The following SERF2 variants were observed in gnomAD, a reference collection of about 807,000 sequenced individuals.
The protein encoded by SERF2 is small EDRK-rich factor 2, also known as gastric cancer-related protein VRG107.
Under a neutral mutation model 10.7 loss-of-function variants are expected in SERF2, and 4 were observed. The ratio of observed to expected loss-of-function variants is 0.37; its 90% CI spans 0.18 to 0.86. The LOEUF (loss-of-function observed/expected upper bound fraction) is 0.86, where lower values mean the gene tolerates loss of function less well. Ranked by LOEUF, SERF2 falls within the 40% of genes least tolerant of loss-of-function variation. SERF2 has a pLI of 0.43. For synonymous variants in SERF2, 26 were observed against 26.0 expected (o/e 1.00, Z 0.01); for missense variants, 47 against 79.1 (o/e 0.59, Z 1.54).
intron 1 of SERF2, among the ~76,000 whole-genome samples, chr15:43,782,626 C>CTAT (rs1183665392): frequency 6.6e-6 from 1 of 152,130 alleles, no homozygotes; most frequent in Non-Finnish European, 1.5e-5. Flanking sequence ...GGCTGCAAAG[C>CTAT]TATTATCCTG....
In SERF2 at chr15:43,795,527, C is replaced by A. The variant is rs766791350; in HGVS notation, c.*1754C>A. ...GTTTCTTGGTCAGCTGGCCTCGCAG[C>A]CCCACCCCTTTGCCCTGGAGAGAGG... On this transcript the variant is annotated 3_prime_UTR_variant, in exon 3 of 3. Coordinates refer to ENST00000249786, the MANE Select transcript of SERF2 (RefSeq NM_001018108.4). 1 of 1,614,162 alleles carries A rather than the reference C, an allele frequency of 6.2e-7. No individual in the cohort carries two copies. Among genetic ancestry groups the A allele is most frequent in the East Asian group, 2.2e-5 (1 of 44,878 alleles).
chr15:43,784,473 CGTTT>C (rs961474232), intron 1 of SERF2, among the ~76,000 whole-genome samples: 3 of 151,830 alleles, frequency 2.0e-5, no homozygotes, highest in Admixed American at 6.6e-5. Flanking sequence ...TTAATTAATT[CGTTT>C]GTTTGTTTGG....
In SERF2 at chr15:43,794,992, A is replaced by C; in HGVS notation, c.*1219A>C. The C allele has an allele frequency of 6.2e-7, 1 of 1,601,032 alleles. No individual in the cohort carries two copies. The highest frequency in any genetic ancestry group is 8.5e-7 in the Non-Finnish European group (1 of 1,173,468). On this transcript the variant is annotated 3_prime_UTR_variant, in exon 3 of 3. Transcript: ENST00000249786. ...AATGTCAGGGGAACCCCAGTTTGTG[A>C]AAAGGACTTAGACTGGAGGATATTT...
At chr15:43,791,138 A>G (rs747803338), upstream of SERF2, among the ~76,000 whole-genome samples, 26 of 150,268 alleles carry the variant, frequency 1.7e-4, no homozygotes, top group Non-Finnish European at 3.2e-4. Context: ...CAGTGGTGCG[A>G]TCTCGGCTCA....
upstream of SERF2, among the ~76,000 whole-genome samples, chr15:43,787,659 A>C (rs1315482850): frequency 6.6e-6 from 1 of 151,568 alleles, no homozygotes; most frequent in Non-Finnish European, 1.5e-5. Flanking sequence ...CAGCCTCCCA[A>C]AATGCTGGGA....
rs569519033 is a variant in SERF2, at chr15:43,786,431, A to G, written c.-402+897A>G. 7.6e-4 allele frequency among the ~76,000 whole-genome samples: 116 copies of G among 151,874 alleles called. 1 individual carries two copies. The highest frequency in any genetic ancestry group is 1.0e-3 in the Non-Finnish European group (69 of 67,936). ...CTCTGTCTCAAAAAAAAAAAAAAAAAAAAGCTGGTTGACGTTTGGTACGCA... is the reference window on the plus strand; with the variant it reads ...CTCTGTCTCAAAAAAAAAAAAAAAAGAAAGCTGGTTGACGTTTGGTACGCA... On this transcript the variant is annotated intron_variant, in intron 2 of 4. Coordinates refer to the SERF2 transcript ENST00000381359.
At chr15:43,790,141 CAAA>C (rs1181656395), upstream of SERF2, among the ~76,000 whole-genome samples, 4 of 105,080 alleles carry the variant, frequency 3.8e-5, no homozygotes, top group Admixed American at 1.0e-4. Flanking sequence ...GACTCCATCT[CAAA>C]AAAAAAAAAA....
chr15:43,780,113 T>C (rs1020876923), intron 1 of SERF2, among the ~76,000 whole-genome samples: 9 of 152,122 alleles, frequency 5.9e-5, no homozygotes, highest in Non-Finnish European at 1.0e-4. Flanking sequence ...AACCCCTGTG[T>C]TTTTTGCAAA....
chr15:43,787,999 C>T (rs868511533), upstream of SERF2, among the ~76,000 whole-genome samples: 1 of 151,436 alleles, frequency 6.6e-6, no homozygotes, highest in Non-Finnish European at 1.5e-5. Flanking sequence ...CTCAGCCTCT[C>T]GAGTAGCTGG....
At position 43,795,502 on chromosome 15, in the gene SERF2, GTTTCTTGGTC is replaced by G. The variant is rs1242388784; in HGVS notation, c.*1730_*1739del. 6.2e-7 allele frequency: 1 copy of G among 1,614,210 alleles called. No homozygotes were observed. Among genetic ancestry groups the G allele is most frequent in the East Asian group, 2.2e-5 (1 of 44,884 alleles). On this transcript the variant is annotated 3_prime_UTR_variant, in exon 3 of 3. Coordinates refer to ENST00000249786, the MANE Select transcript of SERF2 (RefSeq NM_001018108.4). Reference sequence around the variant, plus strand: ...GACTTGGACTGGAGGAGCTGGAGGGGTTTCTTGGTCAGCTGGCCTCGCAGCCCCACCCCTT... The same window carrying G: ...GACTTGGACTGGAGGAGCTGGAGGGGAGCTGGCCTCGCAGCCCCACCCCTT...
At chr15:43,784,678 G>A (rs995501667) in intron 1 of SERF2, among the ~76,000 whole-genome samples, 20 of 151,434 alleles carry the variant, frequency 1.3e-4, no homozygotes, top group African/African-American at 4.9e-4. Context: ...CCATGGTCTC[G>A]ATCTCCTGAC....
chr15:43,792,397 C>T lies in SERF2; in HGVS notation c.7+14C>T, dbSNP rs766202533. The T allele has an allele frequency of 2.5e-6, 4 of 1,613,898 alleles. No individual in the cohort carries two copies. The highest frequency in any genetic ancestry group is 1.3e-5 in the African/African-American group (1 of 75,054). ...TCGCCATGACCCGTGAGCACCGAGC[C>T]CCCTTCTCCTTGCCCTTTTCTTTCC... On this transcript the variant is annotated intron_variant, in intron 1 of 2. Transcript: ENST00000249786.
chr15:43,782,090 T>C (rs1340668229), intron 1 of SERF2, among the ~76,000 whole-genome samples: 1 of 152,116 alleles, frequency 6.6e-6, no homozygotes, highest in Non-Finnish European at 1.5e-5. Flanking sequence ...GGTTTCACCA[T>C]GTTGTCCAGG....
intron 1 of SERF2, among the ~76,000 whole-genome samples, chr15:43,783,033 T>C (rs1384187581): frequency 8.7e-6 from 1 of 114,964 alleles, no homozygotes; most frequent in Admixed American, 9.6e-5. Context: ...TTTTGAGACA[T>C]AGTCTAACTC....
Position 43,793,702 on chromosome 15 carries a change from A to T in SERF2, c.117-8A>T. ...TACCTCCCAGTGCCCCATCATCTCT[A>T]CCCCCAGGGACTCGGAGATCATGCA... is the stretch of plus-strand genomic sequence containing the variant. On this transcript the variant is annotated splice_polypyrimidine_tract_variant and splice_region_variant and intron_variant, in intron 2 of 2. Coordinates refer to ENST00000249786, the MANE Select transcript of SERF2 (RefSeq NM_001018108.4). The T allele has an allele frequency of 6.2e-7, 1 of 1,613,374 alleles. No homozygotes were observed. Among genetic ancestry groups the T allele is most frequent in the South Asian group, 1.1e-5 (1 of 91,046 alleles).
upstream of SERF2, among the ~76,000 whole-genome samples, chr15:43,791,204 GC>G (rs1394169671): frequency 6.6e-6 from 1 of 152,038 alleles, no homozygotes; most frequent in Non-Finnish European, 1.5e-5. Flanking sequence ...CTCCTGAGTA[GC>G]TGGGACTACA....
At chr15:43,782,650 A>G (rs933300494) in intron 1 of SERF2, among the ~76,000 whole-genome samples, 5 of 152,014 alleles carry the variant, frequency 3.3e-5, no homozygotes, top group African/African-American at 1.2e-4. Context: ...TCTCCCTTCT[A>G]TCTCAGCTGG....
At chr15:43,791,906 TTAG>T (rs2087066643), upstream of SERF2, 3 of 180,648 alleles carry the variant, frequency 1.7e-5, no homozygotes, top group South Asian at 2.1e-4. Flanking sequence ...AAGCACAAGT[TTAG>T]TAGTAGAGTA....
chr15:43,790,336 A>G (rs2087044540), upstream of SERF2, among the ~76,000 whole-genome samples: 1 of 151,974 alleles, frequency 6.6e-6, no homozygotes, highest in Non-Finnish European at 1.5e-5. Flanking sequence ...TCATATATAT[A>G]GACAGACATA....
Sources: allele counts gnomAD v4.1 joint callset (sites outside exome capture counted in the v4.1 genomes callset), GRCh38; gene constraint gnomAD v4.1.1; transcripts MANE v1.5; gene names NCBI Gene and HGNC (gene_info 2026-07-23, HGNC 2026-07-21).